ZEB1: variants seen among roughly 807,000 people sequenced by gnomAD.
ZEB1 encodes zinc finger E-box binding homeobox 1.
In ZEB1, 21 loss-of-function variants were observed where a neutral mutation model predicts 84.9. That is an observed-to-expected ratio of 0.25 (90% CI 0.18 to 0.36). The LOEUF is 0.36. Among genes scored for constraint, ZEB1 ranks in the 10% least tolerant of loss-of-function variants. The pLI is 1.00. For missense variants in ZEB1, 1,104 were observed against 1,330.2 expected, an observed-to-expected ratio of 0.83 and a Z score of 2.65; for synonymous variants, 420 against 471.1, an observed-to-expected ratio of 0.89 and a Z score of 1.41.
chr10:31,375,947 G>A (rs983825186), intron 1 of ZEB1, among the ~76,000 whole-genome samples: 4 of 151,604 alleles, frequency 2.6e-5, no homozygotes, highest in African/African-American at 7.3e-5. Context: ...TATAAGTCAC[G>A]AGGATTATTT....
chr10:31,335,144 A>G (rs1303875060), intron 1 of ZEB1, among the ~76,000 whole-genome samples: 1 of 152,126 alleles, frequency 6.6e-6, no homozygotes, highest in East Asian at 1.9e-4. Context: ...CCTATGCTCA[A>G]TCACAGTCCG....
intron 1 of ZEB1, among the ~76,000 whole-genome samples, chr10:31,404,817 G>GAGAT (rs993005058): frequency 4.5e-4 from 68 of 152,254 alleles, no homozygotes; most frequent in African/African-American, 1.5e-3. Flanking sequence ...AGAGAAGGCA[G>GAGAT]AGATGGATGA....
intron 4 of ZEB1, among the ~76,000 whole-genome samples, 197 bp downstream of exon 4, chr10:31,502,706 G>A (rs903212975): frequency 5.3e-5 from 8 of 152,150 alleles, no homozygotes; most frequent in African/African-American, 1.9e-4. Flanking sequence ...AGCTGCTCAT[G>A]TATTGTGGTA....
At chr10:31,341,916 A>G (rs2039445286) in intron 1 of ZEB1, among the ~76,000 whole-genome samples, 1 of 152,218 alleles carries the variant, frequency 6.6e-6, no homozygotes, top group Admixed American at 6.5e-5. Flanking sequence ...ATGTAACATT[A>G]GTCTAGGATT....
At chr10:31,514,451 T>G in intron 5 of ZEB1, 152 bp from the exon 6 acceptor site, 1 of 641,276 alleles carries the variant, frequency 1.6e-6, no homozygotes, top group Admixed American at 2.8e-5. Flanking sequence ...ATTTCAAGAG[T>G]TAGATTTTTG....
At chr10:31,464,092 G>C (rs549362912) in intron 2 of ZEB1, among the ~76,000 whole-genome samples, 1 of 152,096 alleles carries the variant, frequency 6.6e-6, no homozygotes, top group Admixed American at 6.6e-5. Context: ...TGAATAGTAG[G>C]AATTTGAAAT....
At chr10:31,363,283 T>G (rs2134183781) in intron 1 of ZEB1, 1 of 1,530,452 alleles carries the variant, frequency 6.5e-7, no homozygotes, top group South Asian at 1.2e-5. Flanking sequence ...TGGAAGTGGG[T>G]CAGGCTTCCC....
At chr10:31,439,663 A>G (rs1378382129) in intron 1 of ZEB1, among the ~76,000 whole-genome samples, 1 of 149,684 alleles carries the variant, frequency 6.7e-6, no homozygotes, top group Admixed American at 6.7e-5. Context: ...GAGAATAGGG[A>G]GTGCAATGGG....
At chr10:31,339,780 A>C (rs1314165919) in intron 1 of ZEB1, among the ~76,000 whole-genome samples, 5 of 151,858 alleles carry the variant, frequency 3.3e-5, no homozygotes, top group African/African-American at 1.2e-4. Context: ...AAAAAAAAAA[A>C]AACCTATATA....
At chr10:31,471,295 C>G (rs533151573) in intron 2 of ZEB1, among the ~76,000 whole-genome samples, 1,678 of 123,494 alleles carry the variant, frequency 0.014, 41 homozygotes, top group African/African-American at 0.052. Flanking sequence ...CAAGACCCAT[C>G]AGTGTGCTGT....
intron 6 of ZEB1, among the ~76,000 whole-genome samples, chr10:31,515,222 C>G (rs186966100): frequency 1.5e-3 from 227 of 152,160 alleles, no homozygotes; most frequent in African/African-American, 5.2e-3. Flanking sequence ...CACCCACCAT[C>G]TTCACCTGTC....
At chr10:31,437,725 T>A (rs1002001233) in intron 1 of ZEB1, among the ~76,000 whole-genome samples, 7 of 152,204 alleles carry the variant, frequency 4.6e-5, no homozygotes, top group Non-Finnish European at 8.8e-5. Context: ...TCAAACTACA[T>A]CCTTGGGGTT....
chr10:31,408,586 C>T (rs1231593039), intron 1 of ZEB1, among the ~76,000 whole-genome samples: 13 of 146,322 alleles, frequency 8.9e-5, no homozygotes, highest in East Asian at 3.9e-4. Context: ...TCAGAAATAA[C>T]GCCGCATATC....
intron 1 of ZEB1, among the ~76,000 whole-genome samples, chr10:31,433,370 A>C (rs2057948521): frequency 6.6e-6 from 1 of 152,238 alleles, no homozygotes; most frequent in Non-Finnish European, 1.5e-5. Context: ...ATTCTCATTT[A>C]CATCTGAAAG....
intron 1 of ZEB1, among the ~76,000 whole-genome samples, chr10:31,337,788 G>A (rs564171512): frequency 2.7e-5 from 4 of 147,356 alleles, no homozygotes; most frequent in Admixed American, 6.8e-5. Flanking sequence ...CCGGTCAAGC[G>A]ATTCTCCTGC....
chr10:31,441,168 A>T (rs537452411), intron 1 of ZEB1, among the ~76,000 whole-genome samples: 102 of 151,970 alleles, frequency 6.7e-4, no homozygotes, highest in African/African-American at 2.0e-3. Flanking sequence ...ACTACAAGGC[A>T]ACAGTAACCA....
intron 1 of ZEB1, among the ~76,000 whole-genome samples, chr10:31,424,249 G>C (rs1268402113): frequency 6.6e-6 from 1 of 151,356 alleles, no homozygotes; most frequent in African/African-American, 2.4e-5. Context: ...ATTTTTTTTT[G>C]CAGACTAGTC....
intron 2 of ZEB1, among the ~76,000 whole-genome samples, chr10:31,477,065 G>T (rs1445118599): frequency 2.0e-5 from 3 of 151,968 alleles, no homozygotes; most frequent in Non-Finnish European, 2.9e-5. Context: ...AGACAGAACA[G>T]TTGGGCAAGA....
At chr10:31,497,045 T>A (rs1269445308) in intron 3 of ZEB1, among the ~76,000 whole-genome samples, 1 of 152,146 alleles carries the variant, frequency 6.6e-6, no homozygotes, top group Non-Finnish European at 1.5e-5. Flanking sequence ...CTGTGTAACT[T>A]GCATGAATAA....
Sources: allele counts gnomAD v4.1 joint callset (sites outside exome capture counted in the v4.1 genomes callset), GRCh38; gene constraint gnomAD v4.1.1; transcripts MANE v1.5; gene names NCBI Gene and HGNC (gene_info 2026-07-23, HGNC 2026-07-21).